ASPRV1: variants seen among roughly 807,000 people sequenced by gnomAD.
ASPRV1 encodes the protein retroviral-like aspartic protease 1.
Under a neutral mutation model 11.0 loss-of-function variants are expected in ASPRV1, and 7 were observed. The ratio of observed to expected loss-of-function variants is 0.64; its 90% CI spans 0.36 to 1.20. The LOEUF (loss-of-function observed/expected upper bound fraction) is 1.20, where lower values mean the gene tolerates loss of function less well. Ranked by LOEUF, ASPRV1 falls within the 50% of genes most tolerant of loss-of-function variation. The pLI, the probability that ASPRV1 is intolerant of heterozygous loss-of-function variation, is 0.02. For missense variants in ASPRV1, 299 were observed against 320.0 expected (o/e 0.93, Z 0.50); for synonymous variants, 136 against 138.4 (o/e 0.98, Z 0.12).
the ASPRV1 span, chr2:70,049,454 G>C: frequency 3.9e-5 from 6 of 152,064 alleles, no homozygotes; most frequent in African/African-American, 1.4e-4. Context: ...TTTTGAGTCA[G>C]AGGCAAGAAA....
chr2:70,010,287 G>A, the ASPRV1 span, among the ~76,000 whole-genome samples: 497 of 152,252 alleles, frequency 3.3e-3, 1 homozygote, highest in African/African-American at 0.011. Flanking sequence ...TGTGTGTACA[G>A]GTGGGAAGCA....
chr2:69,988,760 A>G, the ASPRV1 span: 1 of 456,666 alleles, frequency 2.2e-6, no homozygotes, highest in Non-Finnish European at 4.4e-6. Context: ...GAGTTGCCCC[A>G]GACGAGAGCT....
At chr2:69,979,684 T>G in the ASPRV1 span, among the ~76,000 whole-genome samples, 1 of 152,170 alleles carries the variant, frequency 6.6e-6, no homozygotes, top group Non-Finnish European at 1.5e-5. Context: ...CCTCCTGGAT[T>G]CTTGGGTGAC....
the ASPRV1 span, chr2:69,994,089 C>T: frequency 6.6e-6 from 1 of 152,280 alleles, no homozygotes; most frequent in South Asian, 2.1e-4. Flanking sequence ...CCAAGACTCA[C>T]TTGCACGTGG....
chr2:70,049,090 AG>A, the ASPRV1 span: 1 of 151,006 alleles, frequency 6.6e-6, no homozygotes, highest in Non-Finnish European at 1.5e-5. Context: ...CACAATGTGC[AG>A]GTTAGTTACA....
chr2:69,985,614 T>C, the ASPRV1 span, among the ~76,000 whole-genome samples: 2 of 152,218 alleles, frequency 1.3e-5, no homozygotes, highest in Non-Finnish European at 2.9e-5. Flanking sequence ...GGCTGAGATA[T>C]AGAACTAGTA....
At chr2:70,034,636 C>G in the ASPRV1 span, among the ~76,000 whole-genome samples, 1 of 151,892 alleles carries the variant, frequency 6.6e-6, no homozygotes, top group Non-Finnish European at 1.5e-5. Context: ...CTTAAAGAAC[C>G]TGGTGGGAAA....
chr2:70,000,027 CGCCTCCCTGCTG>C, the ASPRV1 span, among the ~76,000 whole-genome samples: 2 of 152,316 alleles, frequency 1.3e-5, no homozygotes, highest in East Asian at 3.9e-4. Flanking sequence ...TGGCAGGAGC[CGCCTCCCTGCTG>C]GCCTCCCTGC....
At chr2:69,938,223 C>G in the ASPRV1 span, 2 of 1,614,184 alleles carry the variant, frequency 1.2e-6, no homozygotes, top group Non-Finnish European at 1.7e-6. Context: ...GAGGGCTATT[C>G]CAGCACCAGC....
At chr2:69,952,589 G>C in the ASPRV1 span, among the ~76,000 whole-genome samples, 1 of 151,310 alleles carries the variant, frequency 6.6e-6, no homozygotes, top group Non-Finnish European at 1.5e-5. Context: ...GGGAAGGGAA[G>C]AAAAGAAAAG....
the ASPRV1 span, among the ~76,000 whole-genome samples, chr2:70,065,049 C>T: frequency 1.3e-5 from 2 of 151,626 alleles, no homozygotes; most frequent in African/African-American, 2.4e-5. Flanking sequence ...AAGCCGAGAT[C>T]GAACCACTGC....
chr2:70,061,889 G>C, the ASPRV1 span, among the ~76,000 whole-genome samples: 1 of 151,962 alleles, frequency 6.6e-6, no homozygotes. Context: ...CTTGAACCTG[G>C]GAGATGGAGG....
the ASPRV1 span, among the ~76,000 whole-genome samples, chr2:70,062,916 A>G: frequency 6.6e-6 from 1 of 152,192 alleles, no homozygotes; most frequent in East Asian, 1.9e-4. Flanking sequence ...AAAGACAGTT[A>G]GCAGTCTCAG....
At chr2:70,059,072 T>C in the ASPRV1 span, among the ~76,000 whole-genome samples, 1 of 150,846 alleles carries the variant, frequency 6.6e-6, no homozygotes, top group South Asian at 2.1e-4. Context: ...TATTTTTTTT[T>C]AGTAGAGACA....
chr2:69,984,610 CTTTTTTTTTTTTTTTT>C, the ASPRV1 span, among the ~76,000 whole-genome samples: 7 of 65,340 alleles, frequency 1.1e-4, no homozygotes, highest in Admixed American at 1.9e-3. Flanking sequence ...TCAGGTCCAG[CTTTTTTTTTTTTTTTT>C]TTTTTTTTTT....
the ASPRV1 span, among the ~76,000 whole-genome samples, chr2:70,065,860 G>A: frequency 5.5e-5 from 6 of 109,916 alleles, no homozygotes; most frequent in African/African-American, 8.4e-5. Flanking sequence ...AAAAAGAAAA[G>A]GAAGGAAGGA....
At chr2:70,025,811 T>C in the ASPRV1 span, among the ~76,000 whole-genome samples, 3 of 152,320 alleles carry the variant, frequency 2.0e-5, no homozygotes, top group Non-Finnish European at 2.9e-5. Context: ...GCTGTGACCA[T>C]ACCAAAGGCC....
the ASPRV1 span, chr2:70,083,371 A>C: frequency 6.6e-6 from 1 of 152,366 alleles, no homozygotes; most frequent in African/African-American, 2.4e-5. Context: ...GTCTGTGATG[A>C]TTAAACAAGT....
At chr2:70,074,812 A>C in the ASPRV1 span, among the ~76,000 whole-genome samples, 12 of 150,512 alleles carry the variant, frequency 8.0e-5, no homozygotes, top group Non-Finnish European at 5.9e-5. Context: ...AGTAGAGTGC[A>C]GAGGTTAAGA....
Sources: gnomAD v4.1 joint callset for allele counts (sites outside exome capture counted in the v4.1 genomes callset) on GRCh38, gnomAD v4.1.1 for gene constraint, MANE v1.5 for transcripts, NCBI Gene and HGNC (gene_info 2026-07-23, HGNC 2026-07-21) for gene names.